Variants in ENOX1 observed in about 807,000 individuals in gnomAD.
ENOX1 encodes the protein ecto-NOX disulfide-thiol exchanger 1.
ENOX1 carries 42 observed loss-of-function variants against 82.5 expected under a neutral mutation model. The ratio of observed to expected loss-of-function variants is 0.51; its 90% confidence interval spans 0.40 to 0.66. ENOX1 has a LOEUF of 0.66. Ranked by LOEUF, ENOX1 falls within the 30% of genes least tolerant of loss-of-function variation. ENOX1 has a pLI of 0.00. For synonymous variants in ENOX1, 271 were observed against 282.2 expected (o/e 0.96, Z 0.40); for missense variants, 608 against 811.6 (o/e 0.75, Z 3.05).
At chr13:43,605,981 T>A (rs2081960685) in intron 2 of ENOX1, among the ~76,000 whole-genome samples, 1 of 151,926 alleles carries the variant, frequency 6.6e-6, no homozygotes, top group African/African-American at 2.4e-5. Flanking sequence ...ATAATCCAAT[T>A]AAAAAATGGG....
chr13:43,349,735 G>T (rs541081898), intron 8 of ENOX1, among the ~76,000 whole-genome samples: 2 of 152,348 alleles, frequency 1.3e-5, no homozygotes, highest in Non-Finnish European at 2.9e-5. Context: ...AGGACTCAGT[G>T]AAGGCCAGGT....
At chr13:43,658,767 T>C (rs1346817012) in intron 2 of ENOX1, among the ~76,000 whole-genome samples, 1 of 152,138 alleles carries the variant, frequency 6.6e-6, no homozygotes, top group Non-Finnish European at 1.5e-5. Flanking sequence ...TACCATCACC[T>C]GTGAATTCTT....
chr13:43,492,210 A>G (rs1234165337), intron 2 of ENOX1, among the ~76,000 whole-genome samples: 2 of 152,146 alleles, frequency 1.3e-5, no homozygotes, highest in African/African-American at 4.8e-5. Flanking sequence ...GAGAAACTAA[A>G]TCCTACCAAC....
chr13:43,317,106 G>A (rs1398804980), intron 11 of ENOX1, among the ~76,000 whole-genome samples: 2 of 152,232 alleles, frequency 1.3e-5, no homozygotes, highest in Non-Finnish European at 1.5e-5. Context: ...CCTGCCCTTG[G>A]GGTCTGCTGG....
intron 1 of ENOX1, among the ~76,000 whole-genome samples, chr13:43,712,237 T>A (rs930048655): frequency 6.8e-6 from 1 of 147,156 alleles, no homozygotes; most frequent in Non-Finnish European, 1.5e-5. Context: ...GTTGTAGATA[T>A]GCGGCATTAT....
intron 2 of ENOX1, among the ~76,000 whole-genome samples, chr13:43,553,064 G>A (rs2079276186): frequency 6.6e-6 from 1 of 152,062 alleles, no homozygotes; most frequent in Non-Finnish European, 1.5e-5. Flanking sequence ...GAGTGGAGAT[G>A]GGGGTTGGGA....
At chr13:43,507,196 T>C (rs192445450) in intron 2 of ENOX1, among the ~76,000 whole-genome samples, 1 of 151,706 alleles carries the variant, frequency 6.6e-6, no homozygotes, top group East Asian at 2.0e-4. Flanking sequence ...ACAAAGGATA[T>C]AGAGAATCCA....
At chr13:43,717,526 C>G (rs7318133) in intron 1 of ENOX1, among the ~76,000 whole-genome samples, 14,227 of 152,046 alleles carry the variant, frequency 0.094, 1,082 homozygotes, top group East Asian at 0.27. Context: ...GCAACAAAAA[C>G]AAAAATTGAC....
Position 43,541,998 on chromosome 13 carries a change from C to T in ENOX1, c.-218-57846G>A, listed in dbSNP as rs939261197. On this transcript the variant is annotated intron_variant, in intron 2 of 16. Coordinates refer to ENST00000690772, the MANE Select transcript of ENOX1 (RefSeq NM_001347969.2). ...GTTTCTGAACACTAGAAAAGCTTCA[C>T]TCACTGTCGGGGGTTCCAGAAAATC... Among the ~76,000 whole-genome samples the T allele has an allele frequency of 2.6e-5, 4 of 152,212 alleles. 1 individual carries two copies. The highest frequency in any genetic ancestry group is 2.6e-4 in the Admixed American group (4 of 15,280).
chr13:43,354,672 C>T (rs1180813999), intron 8 of ENOX1, among the ~76,000 whole-genome samples: 1 of 152,164 alleles, frequency 6.6e-6, no homozygotes, highest in African/African-American at 2.4e-5. Flanking sequence ...GGCTTCTCCA[C>T]TGTTTATGGA....
intron 3 of ENOX1, among the ~76,000 whole-genome samples, chr13:43,473,126 T>G (rs2058138962): frequency 1.3e-5 from 2 of 152,240 alleles, no homozygotes; most frequent in African/African-American, 4.8e-5. Context: ...TGGAATTTCT[T>G]CACATCGTCT....
At chr13:43,381,214 A>G (rs2052018357) in intron 5 of ENOX1, among the ~76,000 whole-genome samples, 1 of 151,786 alleles carries the variant, frequency 6.6e-6, no homozygotes, top group South Asian at 2.1e-4. Flanking sequence ...GTATTCTGAG[A>G]CCACAATAGT....
rs1413132668 is a variant in ENOX1, at chr13:43,299,606, C to A, written c.1262-1076G>T. ...CTGCAGGCTCCAGAGTCTCTGCTCT[C>A]GATTACCATCGGTCCATGTGTTTAG... is the stretch of plus-strand genomic sequence containing the variant. On this transcript the variant is annotated intron_variant, in intron 11 of 16. Coordinates refer to ENST00000690772, the MANE Select transcript of ENOX1 (RefSeq NM_001347969.2). Among the ~76,000 whole-genome samples the A allele has an allele frequency of 3.9e-5, 6 of 152,154 alleles. No individual in the cohort carries two copies. In the East Asian group the frequency reaches 1.2e-3, roughly 29 times the overall value.
chr13:43,602,736 A>G (rs911328137), intron 2 of ENOX1, among the ~76,000 whole-genome samples: 4 of 152,128 alleles, frequency 2.6e-5, no homozygotes, highest in African/African-American at 9.7e-5. Context: ...GATGATATTC[A>G]CTACAGCATC....
intron 2 of ENOX1, among the ~76,000 whole-genome samples, chr13:43,543,162 G>C (rs1208251961): frequency 6.6e-6 from 1 of 152,090 alleles, no homozygotes; most frequent in Non-Finnish European, 1.5e-5. Flanking sequence ...TGTGAAGGAA[G>C]GTGAAGGTTG....
chr13:43,490,336 G>C (rs2076577977), intron 2 of ENOX1, among the ~76,000 whole-genome samples: 2 of 152,164 alleles, frequency 1.3e-5, no homozygotes, highest in South Asian at 4.1e-4. Context: ...ATTATGCCTT[G>C]AGTCTCACCC....
At chr13:43,234,297 T>C (rs1368764835) in intron 15 of ENOX1, among the ~76,000 whole-genome samples, 1 of 152,154 alleles carries the variant, frequency 6.6e-6, no homozygotes, top group East Asian at 1.9e-4. Context: ...TAGAAGTATA[T>C]AGATGTTTTG....
intron 9 of ENOX1, among the ~76,000 whole-genome samples, chr13:43,339,781 C>A (rs2048950695): frequency 6.6e-6 from 1 of 152,178 alleles, no homozygotes. Context: ...AGAAGGAAAG[C>A]TGAGGTGCAA....
At chr13:43,214,264 A>G in intron 16 of ENOX1, 143 bp from the exon 17 acceptor site, 1 of 842,604 alleles carries the variant, frequency 1.2e-6, no homozygotes, top group Non-Finnish European at 1.8e-6. Flanking sequence ...TTATAGAAGG[A>G]ACATTCAGAA....
Sources: allele counts gnomAD v4.1 joint callset (sites outside exome capture counted in the v4.1 genomes callset), GRCh38; gene constraint gnomAD v4.1.1; transcripts MANE v1.5; gene names NCBI Gene and HGNC (gene_info 2026-07-23, HGNC 2026-07-21).